GALNT14: variants seen among roughly 807,000 people sequenced by gnomAD.
GALNT14 encodes UDP-GalNAc:polypeptide N-acetylgalactosaminyltransferase 14.
In GALNT14, 60 loss-of-function variants were observed where a neutral mutation model predicts 77.5. That is an observed-to-expected ratio of 0.77 (90% CI 0.63 to 0.96). The LOEUF (loss-of-function observed/expected upper bound fraction) is 0.96. Among genes scored for constraint, GALNT14 ranks in the 40% least tolerant of loss-of-function variants. The pLI is 0.00. For missense variants in GALNT14, 710 were observed against 731.0 expected (o/e 0.97, Z 0.33); for synonymous variants, 280 against 281.7 (o/e 0.99, Z 0.06).
chr2:30,897,664 C>T, the GALNT14 span, among the ~76,000 whole-genome samples: 1 of 152,232 alleles, frequency 6.6e-6, no homozygotes, highest in African/African-American at 2.4e-5. Context: ...CGCACACACA[C>T]TGCGCATGGC....
intron 1 of GALNT14, among the ~76,000 whole-genome samples, chr2:31,020,668 G>T (rs909555068): frequency 1.3e-5 from 2 of 150,772 alleles, no homozygotes; most frequent in African/African-American, 5.0e-5. Context: ...GGGAGGGAAG[G>T]TGTGTTGCTG....
chr2:30,959,988 A>T (rs1399920229), intron 3 of GALNT14, among the ~76,000 whole-genome samples: 1 of 152,232 alleles, frequency 6.6e-6, no homozygotes, highest in Admixed American at 6.5e-5. Flanking sequence ...ACTGGAGAGC[A>T]CTACCCCTTC....
chr2:31,032,877 TAGA>T lies in GALNT14; in HGVS notation c.130-39873_130-39871del, dbSNP rs1364814758. 5.3e-5 allele frequency among the ~76,000 whole-genome samples: 8 copies of T among 152,156 alleles called. No homozygotes were observed. In the East Asian group the frequency reaches 5.8e-4, roughly 11 times the overall value. Reference sequence around the variant, plus strand: ...ATGCTGGAGAAACAGCTGGACTCTGTAGAAGAAGAAGCTGGGAAGGTTGCATGC... The same window carrying T: ...ATGCTGGAGAAACAGCTGGACTCTGTAGAAGAAGCTGGGAAGGTTGCATGC... On this transcript the variant is annotated intron_variant, in intron 1 of 14. Transcript: ENST00000349752.
chr2:30,977,463 T>A (rs1157517296), intron 2 of GALNT14, among the ~76,000 whole-genome samples: 2 of 152,164 alleles, frequency 1.3e-5, no homozygotes, highest in Non-Finnish European at 2.9e-5. Flanking sequence ...TGGGTGTGGG[T>A]CATCCCTCAC....
intron 1 of GALNT14, among the ~76,000 whole-genome samples, chr2:31,034,612 C>A (rs939263915): frequency 2.0e-5 from 3 of 149,028 alleles, no homozygotes; most frequent in Non-Finnish European, 3.0e-5. Flanking sequence ...TATTAATTTT[C>A]TTCCTTCAGT....
At chr2:30,962,303 A>C (rs2148333393) in intron 3 of GALNT14, among the ~76,000 whole-genome samples, 1 of 152,346 alleles carries the variant, frequency 6.6e-6, no homozygotes, top group East Asian at 1.9e-4. Context: ...TTGTGATCAC[A>C]CACCTGTTAA....
intron 1 of GALNT14, among the ~76,000 whole-genome samples, chr2:31,003,923 C>T (rs1670511338): frequency 6.6e-6 from 1 of 152,234 alleles, no homozygotes; most frequent in Admixed American, 6.5e-5. Context: ...GGCTCCCAGG[C>T]ACGTGCCAGG....
chr2:30,969,291 G>C (rs1193904741), intron 2 of GALNT14, among the ~76,000 whole-genome samples: 1 of 152,248 alleles, frequency 6.6e-6, no homozygotes, highest in Non-Finnish European at 1.5e-5. Flanking sequence ...TATGGGGAAA[G>C]ATGCTCTGAA....
chr2:31,113,340 G>A (rs1329409509), intron 1 of GALNT14, among the ~76,000 whole-genome samples: 3 of 152,130 alleles, frequency 2.0e-5, no homozygotes, highest in Non-Finnish European at 4.4e-5. Context: ...TCATTGCAGG[G>A]TTGAGAGAGA....
chr2:30,971,848 C>T (rs1418803079), intron 2 of GALNT14, among the ~76,000 whole-genome samples: 1 of 152,036 alleles, frequency 6.6e-6, no homozygotes, highest in Non-Finnish European at 1.5e-5. Flanking sequence ...TGTCATGATG[C>T]GTGCGATGCC....
At chr2:31,005,556 T>C (rs887735088) in intron 1 of GALNT14, among the ~76,000 whole-genome samples, 1 of 152,184 alleles carries the variant, frequency 6.6e-6, no homozygotes, top group Admixed American at 6.5e-5. Context: ...AACATAGCTG[T>C]GGTTACTATT....
At chr2:31,033,656 C>A (rs750795296) in intron 1 of GALNT14, among the ~76,000 whole-genome samples, 3 of 152,086 alleles carry the variant, frequency 2.0e-5, no homozygotes, top group Non-Finnish European at 2.9e-5. Context: ...TCCTTCCCTC[C>A]CTGGCCTGCC....
chr2:31,006,494 G>T (rs1445878545), intron 1 of GALNT14, among the ~76,000 whole-genome samples: 1 of 152,150 alleles, frequency 6.6e-6, no homozygotes, highest in African/African-American at 2.4e-5. Flanking sequence ...GTGCTAACGT[G>T]ACTTGGCCAA....
At chr2:31,068,507 C>CAAAAAA (rs56916863) in intron 1 of GALNT14, among the ~76,000 whole-genome samples, 2 of 104,344 alleles carry the variant, frequency 1.9e-5, no homozygotes, top group Non-Finnish European at 3.9e-5. Context: ...GACCCCGTCT[C>CAAAAAA]AAAAAAAAAA....
chr2:31,104,530 T>C (rs1472864386), intron 1 of GALNT14, among the ~76,000 whole-genome samples: 1 of 152,146 alleles, frequency 6.6e-6, no homozygotes, highest in Non-Finnish European at 1.5e-5. Flanking sequence ...TTCTGAAATA[T>C]CCCAACAATG....
At chr2:30,904,500 G>C in the GALNT14 span, among the ~76,000 whole-genome samples, 9 of 152,198 alleles carry the variant, frequency 5.9e-5, no homozygotes, top group African/African-American at 2.2e-4. Flanking sequence ...GCGCTTTTCC[G>C]ACGGGCTTAA....
intron 13 of GALNT14, among the ~76,000 whole-genome samples, chr2:30,921,828 T>A (rs958030170): frequency 4.6e-5 from 7 of 152,142 alleles, no homozygotes; most frequent in Admixed American, 2.0e-4. Flanking sequence ...TGTGTTGAGT[T>A]GTGTGGTGGG....
intron 1 of GALNT14, among the ~76,000 whole-genome samples, chr2:31,098,911 C>A (rs560752779): frequency 1.1e-4 from 16 of 152,126 alleles, no homozygotes; most frequent in African/African-American, 3.9e-4. Context: ...GGATCATCAT[C>A]AAGATCTTCA....
At chr2:30,952,483 C>A (rs914503088) in intron 6 of GALNT14, among the ~76,000 whole-genome samples, 2 of 150,590 alleles carry the variant, frequency 1.3e-5, no homozygotes, top group African/African-American at 4.9e-5. Context: ...AATTGGAAAT[C>A]ATCATTCTCA....
Sources: gnomAD v4.1 joint callset for allele counts (sites outside exome capture counted in the v4.1 genomes callset) on GRCh38, gnomAD v4.1.1 for gene constraint, MANE v1.5 for transcripts, NCBI Gene and HGNC (gene_info 2026-07-23, HGNC 2026-07-21) for gene names.